NIP7: variants seen among roughly 807,000 people sequenced by gnomAD.
NIP7 encodes nucleolar pre-rRNA processing protein NIP7.
In NIP7, 12 loss-of-function variants were observed where a neutral mutation model predicts 20.1. The ratio of observed to expected loss-of-function variants is 0.60; its 90% CI spans 0.38 to 0.97. The LOEUF is 0.97. Among genes scored for constraint, NIP7 ranks in the 50% least tolerant of loss-of-function variants. The pLI, the probability that NIP7 is intolerant of heterozygous loss-of-function variation, is 0.00. For missense variants in NIP7, 226 were observed against 226.6 expected (o/e 1.00, Z 0.02); for synonymous variants, 103 against 87.2 (o/e 1.18, Z -1.01).
Position 69,339,822 on chromosome 16 carries a change from G to A in NIP7, c.-8G>A. 6.2e-7 allele frequency: 1 copy of A among 1,612,642 alleles called. No homozygotes were observed. The highest frequency in any genetic ancestry group is 8.5e-7 in the Non-Finnish European group (1 of 1,180,020). On this transcript the variant is annotated 5_prime_UTR_variant, in exon 1 of 5. Coordinates refer to ENST00000254940, the MANE Select transcript of NIP7 (RefSeq NM_016101.5). ...ACGAGGATCCGGTGTTCCAACCCAG[G>A]GGGAAAAATGCGGCCTTTGACTGAA...
chr16:69,339,843 C>T lies in NIP7; in HGVS notation c.14C>T (p.Thr5Ile). Residue 5 changes from threonine to isoleucine, a missense_variant, in exon 1 of 5, where the codon ACT becomes ATT. Physicochemically the swap from Thr to Ile is moderately conservative, Grantham distance 89. Transcript: ENST00000254940. MRPL[T>I]EEETRVMFEK... ...CCAGGGGGAAAAATGCGGCCTTTGA[C>T]TGAAGAGGAGACCCGTGTCATGTTT... 1 of 1,613,354 alleles carries T rather than the reference C, an allele frequency of 6.2e-7. No homozygotes were observed. The highest frequency in any genetic ancestry group is 1.1e-5 in the South Asian group (1 of 91,048).
Position 69,339,778 on chromosome 16 carries a change from C to CA in NIP7, c.-52_-51insA. 1 of 1,603,978 alleles carries CA rather than the reference C, an allele frequency of 6.2e-7. No individual in the cohort carries two copies. Among genetic ancestry groups the CA allele is most frequent in the East Asian group, 2.2e-5 (1 of 44,818 alleles). ...CGGGGAGCAGCGAGCGACCGACTTC[C>CA]GTTTCCAGTTACCAAGGCACGAGGA... On this transcript the variant is annotated 5_prime_UTR_variant, in exon 1 of 5. Transcript: ENST00000254940.
rs762803570 is a variant in NIP7 at position 69,341,198 on chromosome 16, C to T, written c.301C>T (p.Pro101Ser). ...PYAKYKVWIKPGAEQSFLYGN... is the reference protein window; with the variant it reads ...PYAKYKVWIKSGAEQSFLYGN... ...CTTATAGTATAAAGTTTGGATAAAG[C>T]CTGGTGCAGAGCAGTCCTTCCTGTA... The change falls in exon 4 of 5, where the codon CCT (proline) becomes TCT (serine). Residue 101 changes from proline (P) to serine (S), a missense_variant. Coordinates refer to ENST00000254940, the MANE Select transcript of NIP7 (RefSeq NM_016101.5). 1 of 1,613,506 alleles carries T rather than the reference C, an allele frequency of 6.2e-7. No individual in the cohort carries two copies. The highest frequency in any genetic ancestry group is 8.5e-7 in the Non-Finnish European group (1 of 1,179,704).
Position 69,339,795 on chromosome 16 carries a change from G to C in NIP7, c.-35G>C, listed in dbSNP as rs1446181365. ...CCGACTTCCGTTTCCAGTTACCAAG[G>C]CACGAGGATCCGGTGTTCCAACCCA... On this transcript the variant is annotated 5_prime_UTR_variant, in exon 1 of 5. Transcript: ENST00000254940. The C allele has an allele frequency of 6.2e-7, 1 of 1,610,968 alleles. No individual in the cohort carries two copies. The highest frequency in any genetic ancestry group is 8.5e-7 in the Non-Finnish European group (1 of 1,178,888).
In NIP7 at chr16:69,340,090, G is replaced by A; in HGVS notation, c.141G>A (p.Val47=). 6.2e-7 allele frequency: 1 copy of A among 1,613,860 alleles called. No individual in the cohort carries two copies. The highest frequency in any genetic ancestry group is 8.5e-7 in the Non-Finnish European group (1 of 1,180,024). ...FRLHNDRVYY[V]SEKIMKLAAN... ...TGCACAACGACCGGGTGTACTATGT[G>A]AGGTGAGGCGGGGCCGGGCAGGCAG... Residue 47 remains valine (V), a splice_region_variant and synonymous_variant, in exon 2 of 5, where the codon GTG becomes GTA. Transcript: ENST00000254940.
chr16:69,341,383 AATCT>A (rs1188302775), intron 4 of NIP7, 63 bp downstream of exon 4: 1 of 1,588,274 alleles, frequency 6.3e-7, no homozygotes, highest in Non-Finnish European at 8.6e-7. Context: ...GTATGTCTTC[AATCT>A]GAGTGCTTGA....
At chr16:69,341,020 G>A in intron 3 of NIP7, 160 bp from the exon 4 acceptor site, 1 of 657,674 alleles carries the variant, frequency 1.5e-6, no homozygotes, top group Non-Finnish European at 2.5e-6. Context: ...GCAACTTCCT[G>A]CATTTCTGTT....
Sources: gnomAD v4.1 joint callset for allele counts on GRCh38, gnomAD v4.1.1 for gene constraint, MANE v1.5 for transcripts, NCBI Gene and HGNC (gene_info 2026-07-23, HGNC 2026-07-21) for gene names.